PJA2: variants seen among roughly 807,000 people sequenced by gnomAD.
The protein encoded by PJA2 is E3 ubiquitin-protein ligase Praja-2.
In PJA2, 25 loss-of-function variants were observed where a neutral mutation model predicts 69.3. That is an observed-to-expected ratio of 0.36 (90% CI 0.26 to 0.50). PJA2 has a LOEUF of 0.50. Ranked by LOEUF, PJA2 falls within the 20% of genes least tolerant of loss-of-function variation. The pLI is 0.96. For synonymous variants in PJA2, 308 were observed against 277.8 expected (o/e 1.11, Z -1.08); for missense variants, 809 against 830.2 (o/e 0.97, Z 0.31).
chr5:109,356,620 TCCGC>T, intron 6 of PJA2, among the ~76,000 whole-genome samples: 1 of 152,166 alleles, frequency 6.6e-6, no homozygotes, highest in South Asian at 2.1e-4. Context: ...CAGTTTCCAA[TCCGC>T]ATGTAGGTGA....
chr5:109,363,966 A>C (rs1489743738), intron 5 of PJA2, among the ~76,000 whole-genome samples: 2 of 152,132 alleles, frequency 1.3e-5, no homozygotes, highest in African/African-American at 4.8e-5. Flanking sequence ...AGCCTGGACA[A>C]CATAGTGAAA....
rs11336749 is a variant in PJA2, at chr5:109,338,636, CAAAAAA to C, written c.2002-1286_2002-1281del. Among the ~76,000 whole-genome samples the C allele has an allele frequency of 1.1e-4, 7 of 62,450 alleles. No homozygotes were observed. The East Asian group carries it at 1.7e-3, about 15-fold the overall frequency. The allele number at this position is 62,450 out of a possible 152,430, so 41.0% of individuals were successfully genotyped here. On this transcript the variant is annotated intron_variant, in intron 9 of 9. Coordinates refer to ENST00000361189, the MANE Select transcript of PJA2 (RefSeq NM_014819.5). Reference sequence around the variant, plus strand: ...TGGGCAACAGAGTGAAACTCCGTCTCAAAAAAAAAAAAAAAAAAAAAAAAATTTCAT... The same window carrying C: ...TGGGCAACAGAGTGAAACTCCGTCTCAAAAAAAAAAAAAAAAAAATTTCAT...
chr5:109,351,323 G>A (rs542498546), intron 7 of PJA2, among the ~76,000 whole-genome samples: 4 of 151,982 alleles, frequency 2.6e-5, no homozygotes, highest in Admixed American at 6.6e-5. Flanking sequence ...GTCTCATTCC[G>A]GTAATAAATA....
At chr5:109,391,160 C>CA (rs1747272465) in intron 1 of PJA2, among the ~76,000 whole-genome samples, 1 of 152,180 alleles carries the variant, frequency 6.6e-6, no homozygotes, top group Non-Finnish European at 1.5e-5. Context: ...ACCAGGTCCC[C>CA]AAAAAATGAA....
rs539644222 is a variant in PJA2, at chr5:109,383,854, G to C, written c.-87-334C>G. ...TGGTGGGAGGATTGCTTGAGCCCAGGAGGTGGAGGCTGCAGTGAGCCGAGA... is the reference window on the plus strand; with the variant it reads ...TGGTGGGAGGATTGCTTGAGCCCAGCAGGTGGAGGCTGCAGTGAGCCGAGA... On this transcript the variant is annotated intron_variant, in intron 1 of 9. Transcript: ENST00000361189. Among the ~76,000 whole-genome samples the C allele has an allele frequency of 5.4e-4, 82 of 152,252 alleles. 1 individual carries two copies. Among genetic ancestry groups the C allele is most frequent in the African/African-American group, 1.8e-3 (73 of 41,538 alleles).
At chr5:109,392,887 G>C (rs185247637) in intron 1 of PJA2, among the ~76,000 whole-genome samples, 2 of 152,112 alleles carry the variant, frequency 1.3e-5, no homozygotes, top group Admixed American at 1.3e-4. Flanking sequence ...AAATGTACAA[G>C]GCAAAACAGT....
rs544760080 is a variant in PJA2 at position 109,359,245 on chromosome 5, T to A, written c.1653-3219A>T. ...AATACAGTATATAATACATATCACATACAAAATATGTGGCAATCAACTGTT... is the reference window on the plus strand; with the variant it reads ...AATACAGTATATAATACATATCACAAACAAAATATGTGGCAATCAACTGTT... On this transcript the variant is annotated intron_variant, in intron 6 of 9. Coordinates refer to ENST00000361189, the MANE Select transcript of PJA2 (RefSeq NM_014819.5). 2.0e-5 allele frequency among the ~76,000 whole-genome samples: 3 copies of A among 152,344 alleles called. No individual in the cohort carries two copies. The East Asian group carries it at 5.8e-4, about 29-fold the overall frequency.
At chr5:109,407,583 GA>G (rs1310214769) in intron 1 of PJA2, among the ~76,000 whole-genome samples, 1 of 151,992 alleles carries the variant, frequency 6.6e-6, no homozygotes, top group Admixed American at 6.5e-5. Flanking sequence ...AAAGCAATGA[GA>G]AAAACACATA....
chr5:109,368,786 A>C (rs750211088), intron 4 of PJA2, 40 bp from the exon 5 acceptor site: 3 of 1,559,264 alleles, frequency 1.9e-6, no homozygotes, highest in South Asian at 1.2e-5. Flanking sequence ...TAATGTGTTC[A>C]GTTATTTTTA....
intron 3 of PJA2, 84 bp downstream of exon 3, chr5:109,381,419 G>T: frequency 2.9e-6 from 3 of 1,048,260 alleles, no homozygotes; most frequent in Non-Finnish European, 4.2e-6. Flanking sequence ...TCACAGACAT[G>T]CATAATACCC....
intron 4 of PJA2, among the ~76,000 whole-genome samples, chr5:109,375,214 T>C (rs1350899062): frequency 6.6e-6 from 1 of 152,144 alleles, no homozygotes; most frequent in Non-Finnish European, 1.5e-5. Flanking sequence ...AAAATTCCTA[T>C]ATCTAAAAAT....
chr5:109,372,394 A>T (rs1455691261), intron 4 of PJA2, among the ~76,000 whole-genome samples: 3 of 152,218 alleles, frequency 2.0e-5, no homozygotes, highest in Non-Finnish European at 4.4e-5. Flanking sequence ...AACACAGATC[A>T]GACTCTATTT....
chr5:109,366,427 C>G (rs7443428), intron 5 of PJA2, among the ~76,000 whole-genome samples: 82,723 of 152,040 alleles, frequency 0.54, 23,901 homozygotes, highest in Middle Eastern at 0.65. Flanking sequence ...TTCAATATCT[C>G]TGCTCTTGCT....
At chr5:109,381,399 G>T in intron 3 of PJA2, 104 bp downstream of exon 3, 1 of 763,206 alleles carries the variant, frequency 1.3e-6, no homozygotes, top group Non-Finnish European at 2.1e-6. Flanking sequence ...GAAGTGTGCT[G>T]CATTTACACT....
chr5:109,391,814 A>G (rs908923071), intron 1 of PJA2, among the ~76,000 whole-genome samples: 1 of 152,222 alleles, frequency 6.6e-6, no homozygotes, highest in African/African-American at 2.4e-5. Context: ...ACATTCCAAC[A>G]CATAGCAAGA....
At chr5:109,374,598 A>G (rs1561354975) in intron 4 of PJA2, among the ~76,000 whole-genome samples, 1 of 152,250 alleles carries the variant, frequency 6.6e-6, no homozygotes. Flanking sequence ...AGATTTCAAC[A>G]AATCCTTTAA....
At chr5:109,394,046 T>C (rs890853048) in intron 1 of PJA2, among the ~76,000 whole-genome samples, 2 of 101,888 alleles carry the variant, frequency 2.0e-5, no homozygotes, top group African/African-American at 1.3e-4. Flanking sequence ...TCTCTTTTTT[T>C]TTTTTTTTTT....
At chr5:109,342,894 C>T (rs1582581585) in intron 9 of PJA2, among the ~76,000 whole-genome samples, 1 of 65,702 alleles carries the variant, frequency 1.5e-5, no homozygotes, top group Non-Finnish European at 3.1e-5. Context: ...GGGGGTCAGC[C>T]CCCCTGCCCG....
At chr5:109,408,247 T>C (rs562072709) in intron 1 of PJA2, among the ~76,000 whole-genome samples, 13 of 152,292 alleles carry the variant, frequency 8.5e-5, no homozygotes, top group African/African-American at 2.9e-4. Flanking sequence ...CTGTTTAATT[T>C]TTTAAAATCA....
Sources: gnomAD v4.1 joint callset for allele counts (sites outside exome capture counted in the v4.1 genomes callset) on GRCh38, gnomAD v4.1.1 for gene constraint, MANE v1.5 for transcripts, NCBI Gene and HGNC (gene_info 2026-07-23, HGNC 2026-07-21) for gene names.